Variants in FMO5 observed in about 807,000 individuals in gnomAD.
FMO5 encodes the protein flavin-containing monooxygenase 5.
A neutral mutation model predicts 43.6 loss-of-function variants in FMO5; 51 were observed. The ratio of observed to expected loss-of-function variants is 1.17; its 90% confidence interval spans 0.93 to 1.48. The LOEUF (loss-of-function observed/expected upper bound fraction) is 1.48. FMO5 is among the 40% of genes most tolerant of loss of function. FMO5 has a pLI of 0.00. For missense variants in FMO5, 644 were observed against 643.0 expected (o/e 1.00, Z -0.02); for synonymous variants, 187 against 216.5 (o/e 0.86, Z 1.20).
chr1:147,216,975 T>C (rs587756038), intron 2 of FMO5, among the ~76,000 whole-genome samples: 1 of 151,812 alleles, frequency 6.6e-6, no homozygotes, highest in African/African-American at 2.4e-5. Flanking sequence ...GCGTGGTGGC[T>C]CATGCCTGTA....
At chr1:147,204,893 T>A in intron 6 of FMO5, 6 of 1,585,752 alleles carry the variant, frequency 3.8e-6, no homozygotes, top group Non-Finnish European at 5.2e-6. Flanking sequence ...TCCTTGAGCA[T>A]CTGGGCGAAG....
At chr1:147,199,750 A>G (rs1449531323) in intron 7 of FMO5, among the ~76,000 whole-genome samples, 4 of 152,216 alleles carry the variant, frequency 2.6e-5, no homozygotes, top group South Asian at 2.1e-4. Flanking sequence ...CAGGTAGTAC[A>G]TAATCTGCTG....
chr1:147,186,690 G>A lies in FMO5; in HGVS notation c.*210C>T. 7.9e-6 allele frequency: 11 copies of A among 1,385,952 alleles called. No individual in the cohort carries two copies. Among genetic ancestry groups the A allele is most frequent in the Non-Finnish European group, 1.0e-5 (11 of 1,074,134 alleles). 85.9% of individuals were successfully genotyped at this position (1,385,952 alleles called of 1,614,324 possible). On this transcript the variant is annotated 3_prime_UTR_variant, in exon 9 of 9. Coordinates refer to ENST00000254090, the MANE Select transcript of FMO5 (RefSeq NM_001461.4). ...CCAGTCTAGGGATTACCACAAGGAA[G>A]AGTGACGGATCATGAGTGGAAGGGA...
intron 4 of FMO5, among the ~76,000 whole-genome samples, chr1:147,213,089 T>C (rs587674633): frequency 2.0e-5 from 3 of 152,318 alleles, no homozygotes; most frequent in South Asian, 2.1e-4. Context: ...ACTAAAGTCA[T>C]TGTAAAACTA....
At chr1:147,188,079 C>T (rs1655945571) in intron 8 of FMO5, among the ~76,000 whole-genome samples, 1 of 151,776 alleles carries the variant, frequency 6.6e-6, no homozygotes, top group Non-Finnish European at 1.5e-5. Flanking sequence ...GATAGAGGGT[C>T]AAGTAGGAAT....
chr1:147,207,185 T>C (rs1660245416), intron 6 of FMO5, among the ~76,000 whole-genome samples: 1 of 152,110 alleles, frequency 6.6e-6, no homozygotes, highest in South Asian at 2.1e-4. Context: ...CTGAAGTATT[T>C]AAAGTGTCTT....
chr1:147,201,102 G>T, intron 7 of FMO5, 50 bp downstream of exon 7: 2 of 1,336,650 alleles, frequency 1.5e-6, no homozygotes, highest in Non-Finnish European at 2.1e-6. Context: ...CCTAAACAGA[G>T]GTAAACATAT....
rs184582827 is a variant in FMO5, at chr1:147,204,984, A to G, written c.831-3480T>C. 135 of 1,077,914 alleles carry G rather than the reference A, an allele frequency of 1.3e-4. 1 individual carries two copies. The highest frequency in any genetic ancestry group is 1.8e-5 in the Admixed American group (1 of 56,156). The allele number at this position is 1,077,914 out of a possible 1,614,324, so 66.8% of individuals were successfully genotyped here. A position where few individuals can be genotyped will look rare whatever the true frequency, so the allele number is the denominator to read the frequency against. Reference sequence around the variant, plus strand: ...TGACCGCTCAGAAGACCGCGGAGGAACCAAAGGTTTTCATGCCTGATGAAC... The same window carrying G: ...TGACCGCTCAGAAGACCGCGGAGGAGCCAAAGGTTTTCATGCCTGATGAAC... On this transcript the variant is annotated intron_variant, in intron 6 of 8. Coordinates refer to ENST00000254090, the MANE Select transcript of FMO5 (RefSeq NM_001461.4).
chr1:147,227,142 A>T (rs1664034526), upstream of FMO5, among the ~76,000 whole-genome samples: 1 of 152,212 alleles, frequency 6.6e-6, no homozygotes, highest in Admixed American at 6.5e-5. Context: ...AAAATATTTT[A>T]AAGACTAATA....
chr1:147,226,584 G>A (rs1427148718), upstream of FMO5, among the ~76,000 whole-genome samples: 1 of 152,020 alleles, frequency 6.6e-6, no homozygotes, highest in Non-Finnish European at 1.5e-5. Context: ...TTAGAACAAG[G>A]GCCCATCCAG....
Position 147,204,941 on chromosome 1 carries a change from T to C in FMO5, c.831-3437A>G, listed in dbSNP as rs1323908404. On this transcript the variant is annotated intron_variant, in intron 6 of 8. Transcript: ENST00000254090. ...GGAACTTGAAGCGCCATGGCCAGCCTGCAGGAAGCCGTTCACGTGACCGCT... is the reference window on the plus strand; with the variant it reads ...GGAACTTGAAGCGCCATGGCCAGCCCGCAGGAAGCCGTTCACGTGACCGCT... The C allele has an allele frequency of 7.2e-6, 11 of 1,533,656 alleles. No homozygotes were observed. In the East Asian group the frequency reaches 2.5e-4, roughly 35 times the overall value.
Position 147,186,461 on chromosome 1 carries a change from T to C in FMO5, c.*439A>G. 3 of 852,780 alleles carry C rather than the reference T, an allele frequency of 3.5e-6. No homozygotes were observed. Among genetic ancestry groups the C allele is most frequent in the Non-Finnish European group, 4.2e-6 (3 of 708,730 alleles). The allele number at this position is 852,780 out of a possible 1,614,324, so 52.8% of individuals were successfully genotyped here. A position where few individuals can be genotyped will look rare whatever the true frequency, so the allele number is the denominator to read the frequency against. On this transcript the variant is annotated 3_prime_UTR_variant, in exon 9 of 9. Coordinates refer to ENST00000254090, the MANE Select transcript of FMO5 (RefSeq NM_001461.4). ...TCAGGAAACATATTTAGTTATAATA[T>C]GAAAAAAAACTAAAATTGAGCTTCT...
At position 147,215,875 on chromosome 1, in the gene FMO5, A is replaced by T. The variant is rs141961654; in HGVS notation, c.203T>A (p.Met68Lys). The T allele has an allele frequency of 6.2e-7, 1 of 1,613,640 alleles. No homozygotes were observed. The highest frequency in any genetic ancestry group is 8.5e-7 in the Non-Finnish European group (1 of 1,179,680). The change falls in exon 3 of 9, where the codon ATG (methionine) becomes AAG (lysine). Residue 68 changes from methionine to lysine, a missense_variant. Coordinates refer to ENST00000254090, the MANE Select transcript of FMO5 (RefSeq NM_001461.4). The stretch of plus-strand genomic sequence containing the variant: ...TGGGATTGGATAGTCACTGAAGCAC[A>T]TCATCTCTTTAGAAGTATTGATGAT... ...SVIINTSKEM[M>K]CFSDYPIPDH...
At chr1:147,191,922 T>C (rs1198555210) in intron 7 of FMO5, among the ~76,000 whole-genome samples, 1 of 152,086 alleles carries the variant, frequency 6.6e-6, no homozygotes, top group Non-Finnish European at 1.5e-5. Context: ...AGCCTTGTAG[T>C]ATAGTTTGAA....
chr1:147,227,203 T>G (rs587690610), upstream of FMO5, among the ~76,000 whole-genome samples: 1 of 152,348 alleles, frequency 6.6e-6, no homozygotes, highest in South Asian at 2.1e-4. Flanking sequence ...TAAAATAGTA[T>G]CTTTTAAAAA....
chr1:147,213,185 A>G, intron 4 of FMO5, 123 bp downstream of exon 4: 1 of 804,054 alleles, frequency 1.2e-6, no homozygotes, highest in East Asian at 2.9e-5. Flanking sequence ...GGGGAACAAG[A>G]ATAATTAGGA....
downstream of FMO5, among the ~76,000 whole-genome samples, chr1:147,185,745 A>G (rs1233612911): frequency 6.6e-6 from 1 of 152,216 alleles, no homozygotes; most frequent in African/African-American, 2.4e-5. Context: ...ACATCACCTG[A>G]GTTCAGTGTG....
At position 147,215,735 on chromosome 1, in the gene FMO5, T is replaced by C. The variant is rs1553924823; in HGVS notation, c.324+19A>G. 1.9e-6 allele frequency: 3 copies of C among 1,557,112 alleles called. No individual in the cohort carries two copies. The highest frequency in any genetic ancestry group is 2.6e-6 in the Non-Finnish European group (3 of 1,145,308). On this transcript the variant is annotated intron_variant, in intron 3 of 8. Coordinates refer to ENST00000254090, the MANE Select transcript of FMO5 (RefSeq NM_001461.4). ...TGGCAAACAACTTCAAACACAAAGATACCCACACAATTTTCTACCTTAAAT... is the reference window on the plus strand; with the variant it reads ...TGGCAAACAACTTCAAACACAAAGACACCCACACAATTTTCTACCTTAAAT...
rs782158650 is a variant in FMO5 at position 147,186,955 on chromosome 1, A to G, written c.1547T>C (p.Ile516Thr). The change falls in exon 9 of 9, where the codon ATA becomes ACA. Residue 516 changes from isoleucine to threonine, a missense_variant. Coordinates refer to ENST00000254090, the MANE Select transcript of FMO5 (RefSeq NM_001461.4). ...GGCAAGAGCTAGCATAAACTTGCCTATTGTCATTGTTGAAGTCATAGAACT... is the reference window on the plus strand; with the variant it reads ...GGCAAGAGCTAGCATAAACTTGCCTGTTGTCATTGTTGAAGTCATAGAACT... ...RSSSMTSTMT[I>T]GKFMLALAFF... The G allele has an allele frequency of 4.0e-5, 64 of 1,614,046 alleles. No individual in the cohort carries two copies. Among genetic ancestry groups the G allele is most frequent in the Non-Finnish European group, 5.3e-5 (62 of 1,180,030 alleles).
Sources: allele counts gnomAD v4.1 joint callset (sites outside exome capture counted in the v4.1 genomes callset), GRCh38; gene constraint gnomAD v4.1.1; transcripts MANE v1.5; gene names NCBI Gene and HGNC (gene_info 2026-07-23, HGNC 2026-07-21).